HUWE1: variants seen among roughly 807,000 people sequenced by gnomAD.
HUWE1 encodes HECT, UBA and WWE domain containing E3 ubiquitin protein ligase 1.
A neutral mutation model predicts 299.4 loss-of-function variants in HUWE1; 18 were observed. The ratio of observed to expected loss-of-function variants is 0.06; its 90% CI spans 0.04 to 0.09. HUWE1 has a LOEUF of 0.09. Among genes scored for constraint, HUWE1 ranks in the 10% least tolerant of loss-of-function variants. HUWE1 has a pLI of 1.00. For synonymous variants in HUWE1, 1,317 were observed against 1,286.1 expected (o/e 1.02, Z -0.51); for missense variants, 1,832 against 3,462.3 (o/e 0.53, Z 11.82).
chrX:53,576,764 G>A (rs2063125081), intron 44 of HUWE1, 136 bp downstream of exon 44: 1 of 589,395 alleles, frequency 1.7e-6, no homozygotes, highest in Non-Finnish European at 2.8e-6. Flanking sequence ...GACATGCAAT[G>A]GGTATCTTAT....
intron 28 of HUWE1, among the ~76,000 whole-genome samples, chrX:53,601,366 TAG>T (rs1485143350): frequency 9.1e-6 from 1 of 109,345 alleles, no homozygotes; most frequent in African/African-American, 3.3e-5. Flanking sequence ...ATTTTTTTTG[TAG>T]AGATAGAGTT....
rs183879546 is a variant in HUWE1, at chrX:53,632,444, G to T, written c.645+43C>A. On this transcript the variant is annotated intron_variant, in intron 9 of 83. Coordinates refer to ENST00000262854, the MANE Select transcript of HUWE1 (RefSeq NM_031407.7). ...TCTAGAAGAGGCAATCCCAGTTACA[G>T]TAAATTGTAGACTTTGTCAGAACAA... The T allele has an allele frequency of 5.0e-6, 5 of 996,246 alleles. No homozygotes were observed. In the African/African-American group the frequency reaches 9.4e-5, roughly 19 times the overall value. 82.1% of individuals were successfully genotyped at this position (996,246 alleles called of 1,213,427 possible).
intron 50 of HUWE1, 110 bp from the exon 51 acceptor site, chrX:53,564,832 C>A: frequency 9.8e-7 from 1 of 1,023,366 alleles, no homozygotes; most frequent in South Asian, 1.9e-5. Context: ...TTTGTAAGTT[C>A]TCAGAGAATA....
rs369011487 is a variant in HUWE1 at position 53,554,661 on chromosome X, C to G, written c.8466G>C (p.Gln2822His). 2 of 1,209,428 alleles carry G rather than the reference C, an allele frequency of 1.7e-6. No homozygotes were observed. The highest frequency in any genetic ancestry group is 3.5e-5 in the African/African-American group (2 of 57,123). Residue 2822 changes from glutamine (Q) to histidine (H), a missense_variant, in exon 61 of 84, where the codon CAG becomes CAC. Around this residue, in one of 15 missense-constraint regions of HUWE1, gnomAD observed 143 missense variants for 148.1 expected, o/e 0.97. Coordinates refer to ENST00000262854, the MANE Select transcript of HUWE1 (RefSeq NM_031407.7). ...TAGTGGGAGCTGGGGATAACTCCATCTGAGTTGTTTCTGCTTCCCCACTTG... is the reference window on the plus strand; with the variant it reads ...TAGTGGGAGCTGGGGATAACTCCATGTGAGTTGTTTCTGCTTCCCCACTTG... The part of the protein sequence containing the change: ...TRPSGEAETT[Q>H]MELSPAPTIT...
intron 19 of HUWE1, among the ~76,000 whole-genome samples, chrX:53,618,287 G>A (rs2065910886): frequency 9.1e-6 from 1 of 109,786 alleles, no homozygotes; most frequent in African/African-American, 3.3e-5. Context: ...TTAGAAACAA[G>A]AGCAGTAATA....
chrX:53,594,183 T>C (rs782183197), intron 31 of HUWE1, among the ~76,000 whole-genome samples: 1 of 111,868 alleles, frequency 8.9e-6, no homozygotes, highest in East Asian at 2.8e-4. Flanking sequence ...TGACCAAGAA[T>C]AGCAGAAAAA....
chrX:53,540,915 T>G (rs191780950), intron 74 of HUWE1, among the ~76,000 whole-genome samples: 1 of 111,736 alleles, frequency 8.9e-6, no homozygotes, highest in Admixed American at 9.5e-5. Flanking sequence ...TTCTTCAAGG[T>G]TCTGACAGCC....
At chrX:53,603,131 G>A (rs1023676011) in intron 27 of HUWE1, among the ~76,000 whole-genome samples, 15 of 111,655 alleles carry the variant, frequency 1.3e-4, no homozygotes, top group Admixed American at 4.7e-4. Flanking sequence ...GATTACAGGC[G>A]TGAGCCACCG....
chrX:53,542,581 T>C, intron 73 of HUWE1, 42 bp from the exon 74 acceptor site: 3 of 911,535 alleles, frequency 3.3e-6, no homozygotes. Context: ...GGTGCAACTC[T>C]GCTTTCCTTA....
At chrX:53,549,573 G>C (rs1347990962) in intron 66 of HUWE1, 68 bp from the exon 67 acceptor site, 2 of 950,225 alleles carry the variant, frequency 2.1e-6, no homozygotes, top group Admixed American at 4.8e-5. Flanking sequence ...GCATAAGAAT[G>C]GGGGAGGGGA....
intron 73 of HUWE1, among the ~76,000 whole-genome samples, chrX:53,543,150 A>G (rs2061419428): frequency 1.8e-5 from 2 of 110,898 alleles, no homozygotes; most frequent in South Asian, 3.9e-4. Flanking sequence ...ACCATACTGT[A>G]TAATAGTAAT....
At chrX:53,557,881 T>G (rs1679973328) in intron 59 of HUWE1, among the ~76,000 whole-genome samples, 1 of 111,978 alleles carries the variant, frequency 8.9e-6, no homozygotes, top group African/African-American at 3.3e-5. Flanking sequence ...TATAAAGATA[T>G]TTGTTAGATC....
intron 19 of HUWE1, among the ~76,000 whole-genome samples, chrX:53,618,939 T>C (rs1476379891): frequency 9.0e-6 from 1 of 110,832 alleles, no homozygotes; most frequent in African/African-American, 3.3e-5. Context: ...TATTAAACCT[T>C]CTAGGAATAA....
Position 53,560,185 on chromosome X carries a change from C to G in HUWE1, c.7736+3G>C. 1 of 1,167,580 alleles carries G rather than the reference C, an allele frequency of 8.6e-7. No homozygotes were observed. The highest frequency in any genetic ancestry group is 1.1e-6 in the Non-Finnish European group (1 of 869,631). On this transcript the variant is annotated splice_donor_region_variant and intron_variant, in intron 56 of 83. Transcript: ENST00000262854. ...ATGAATCCAACAGATCTCTGTAACT[C>G]ACCTCTGCAGTATAAGAGGAGGGTT...
intron 3 of HUWE1, among the ~76,000 whole-genome samples, chrX:53,657,647 T>C (rs1438394824): frequency 1.8e-5 from 2 of 112,338 alleles, no homozygotes; most frequent in Admixed American, 9.4e-5. Flanking sequence ...AACTGTCTTT[T>C]TGTCAGAGAT....
chrX:53,659,693 T>G, intron 3 of HUWE1, among the ~76,000 whole-genome samples: 1 of 111,489 alleles, frequency 9.0e-6, no homozygotes, highest in East Asian at 2.8e-4. Flanking sequence ...GGCCTTTGAG[T>G]GATAATGATG....
chrX:53,596,973 T>C (rs782169274), intron 29 of HUWE1, among the ~76,000 whole-genome samples: 4 of 112,606 alleles, frequency 3.6e-5, no homozygotes, highest in Non-Finnish European at 7.5e-5. Flanking sequence ...CTTGCACTTT[T>C]GTGAAATCTT....
chrX:53,573,786 G>A lies in HUWE1; in HGVS notation c.6276C>T (p.Tyr2092=), dbSNP rs782461315. 1.7e-6 allele frequency: 2 copies of A among 1,210,643 alleles called. No homozygotes were observed. The highest frequency in any genetic ancestry group is 4.3e-5 in the Admixed American group (2 of 46,101). ...YVGIATLIAN[Y]SYTVGQSELI... is the part of the protein sequence containing the mutation. Reference sequence around the variant, plus strand: ...GTTCAGACTGGCCCACAGTGTAGCTGTAGTTGGCAATCAGGGTAGCAATAC... The same window carrying A: ...GTTCAGACTGGCCCACAGTGTAGCTATAGTTGGCAATCAGGGTAGCAATAC... The change falls in exon 47 of 84, where the codon TAC becomes TAT. Residue 2092 remains tyrosine, a synonymous_variant. Coordinates refer to ENST00000262854, the MANE Select transcript of HUWE1 (RefSeq NM_031407.7).
At chrX:53,600,734 T>C (rs1198305050) in intron 28 of HUWE1, among the ~76,000 whole-genome samples, 6 of 112,722 alleles carry the variant, frequency 5.3e-5, no homozygotes, top group Non-Finnish European at 1.1e-4. Context: ...GAATTATGTA[T>C]ATGAATGTGA....
Sources: allele counts gnomAD v4.1 joint callset (sites outside exome capture counted in the v4.1 genomes callset), GRCh38; gene constraint gnomAD v4.1.1; regional missense constraint gnomAD v4.1.1; transcripts MANE v1.5; gene names NCBI Gene and HGNC (gene_info 2026-07-23, HGNC 2026-07-21).